NELL1: variants seen among roughly 807,000 people sequenced by gnomAD.
NELL1 encodes the protein neural EGFL like 1.
In NELL1, 76 loss-of-function variants were observed where a neutral mutation model predicts 107.4. The observed-to-expected ratio is 0.71, with a 90% CI of 0.59 to 0.86. The LOEUF (loss-of-function observed/expected upper bound fraction) is 0.86. NELL1 is among the 40% of genes least tolerant of loss of function. The pLI is 0.00. For missense variants in NELL1, 1,024 were observed against 1,005.5 expected, an observed-to-expected ratio of 1.02 and a Z score of -0.25; for synonymous variants, 353 against 341.2, an observed-to-expected ratio of 1.03 and a Z score of -0.38.
chr11:20,673,142 G>A (rs1400541286), intron 1 of NELL1, among the ~76,000 whole-genome samples: 1 of 152,120 alleles, frequency 6.6e-6, no homozygotes, highest in Non-Finnish European at 1.5e-5. Flanking sequence ...GATTACAGGT[G>A]TGAGCCACTG....
chr11:21,232,368 A>G (rs1005812967), intron 14 of NELL1, among the ~76,000 whole-genome samples: 2 of 150,824 alleles, frequency 1.3e-5, no homozygotes, highest in Non-Finnish European at 3.0e-5. Flanking sequence ...TACTTTCCCT[A>G]TTTATCTAAC....
chr11:21,064,316 G>A (rs968918491), intron 12 of NELL1, among the ~76,000 whole-genome samples: 3 of 152,086 alleles, frequency 2.0e-5, no homozygotes, highest in Non-Finnish European at 4.4e-5. Context: ...TGGTAAAAAC[G>A]GACTATAACA....
In NELL1 at chr11:20,769,947, C is replaced by T. The variant is rs573336335; in HGVS notation, c.185-13733C>T. Reference sequence around the variant, plus strand: ...GATGATACCCAAGTAGAAAAGACTGCGTGGGAGCCTACCAGCATCCTTTGA... The same window carrying T: ...GATGATACCCAAGTAGAAAAGACTGTGTGGGAGCCTACCAGCATCCTTTGA... On this transcript the variant is annotated intron_variant, in intron 2 of 19. Transcript: ENST00000357134. Among the ~76,000 whole-genome samples, 63 of 152,266 alleles carry T rather than the reference C, an allele frequency of 4.1e-4. No individual in the cohort carries two copies. The South Asian group carries it at 0.012, about 29-fold the overall frequency.
intron 15 of NELL1, among the ~76,000 whole-genome samples, chr11:21,419,622 G>C (rs1032636875): frequency 6.6e-6 from 1 of 151,898 alleles, no homozygotes; most frequent in African/African-American, 2.4e-5. Flanking sequence ...AGTTTCCACT[G>C]TAGCAATTAG....
chr11:21,128,657 A>G (rs913927247), intron 13 of NELL1, among the ~76,000 whole-genome samples: 3 of 152,182 alleles, frequency 2.0e-5, no homozygotes, highest in African/African-American at 7.2e-5. Flanking sequence ...TGATTAGAAG[A>G]GGCAGACCTT....
chr11:21,041,399 T>A (rs972603307), intron 12 of NELL1, among the ~76,000 whole-genome samples: 2 of 152,228 alleles, frequency 1.3e-5, no homozygotes, highest in African/African-American at 4.8e-5. Context: ...ATTTTTAGGC[T>A]ACTTTTTTAT....
chr11:21,127,672 G>A (rs756320803), intron 13 of NELL1, among the ~76,000 whole-genome samples: 2 of 152,022 alleles, frequency 1.3e-5, no homozygotes, highest in Non-Finnish European at 2.9e-5. Context: ...GGAAAATGAC[G>A]ACAACCTCTA....
chr11:21,394,612 A>G (rs1278311571), intron 15 of NELL1, among the ~76,000 whole-genome samples: 3 of 151,310 alleles, frequency 2.0e-5, no homozygotes, highest in Non-Finnish European at 1.5e-5. Context: ...AAAAAACATT[A>G]TCTTAAGGAG....
intron 16 of NELL1, among the ~76,000 whole-genome samples, chr11:21,551,436 G>A (rs1376922011): frequency 6.6e-6 from 1 of 151,992 alleles, no homozygotes; most frequent in East Asian, 1.9e-4. Context: ...CAAAGGGAAT[G>A]CTTCCAGTTT....
chr11:21,185,339 A>T (rs1387744414), intron 13 of NELL1, among the ~76,000 whole-genome samples: 4 of 121,836 alleles, frequency 3.3e-5, no homozygotes, highest in Non-Finnish European at 6.5e-5. Flanking sequence ...CTTGTTGCCC[A>T]GGCTGGAGCA....
intron 12 of NELL1, among the ~76,000 whole-genome samples, chr11:21,048,049 T>C (rs1853399798): frequency 1.3e-5 from 2 of 152,162 alleles, no homozygotes; most frequent in Non-Finnish European, 1.5e-5. Flanking sequence ...TCTTGTACAG[T>C]TGGGTACTAC....
chr11:21,448,296 G>A (rs1216212916), intron 15 of NELL1, among the ~76,000 whole-genome samples: 1 of 152,024 alleles, frequency 6.6e-6, no homozygotes, highest in Non-Finnish European at 1.5e-5. Context: ...ACCCTCTCCT[G>A]ATATCTTACT....
intron 13 of NELL1, among the ~76,000 whole-genome samples, chr11:21,178,443 C>G (rs1856755970): frequency 6.6e-6 from 1 of 151,756 alleles, no homozygotes; most frequent in Non-Finnish European, 1.5e-5. Flanking sequence ...TTACAACAGT[C>G]ATAATGAGAA....
chr11:20,696,009 A>G (rs936174074), intron 2 of NELL1, among the ~76,000 whole-genome samples: 3 of 151,988 alleles, frequency 2.0e-5, no homozygotes, highest in Admixed American at 2.0e-4. Flanking sequence ...CAATCATGAG[A>G]AGTTACGTGT....
At chr11:21,491,490 CA>C (rs1444551340) in intron 15 of NELL1, among the ~76,000 whole-genome samples, 1 of 152,070 alleles carries the variant, frequency 6.6e-6, no homozygotes, top group African/African-American at 2.4e-5. Context: ...TCAGGTTTGT[CA>C]AAGATCAGAT....
intron 13 of NELL1, among the ~76,000 whole-genome samples, chr11:21,184,792 T>A (rs1045953164): frequency 6.6e-6 from 1 of 151,850 alleles, no homozygotes; most frequent in Non-Finnish European, 1.5e-5. Context: ...AAATGTAGAT[T>A]TTTGCCTTAA....
chr11:21,339,588 A>G (rs1415630590), intron 14 of NELL1, among the ~76,000 whole-genome samples: 1 of 152,184 alleles, frequency 6.6e-6, no homozygotes, highest in Non-Finnish European at 1.5e-5. Context: ...CCTGGTTTTT[A>G]AAATTCATGT....
At chr11:21,080,679 T>G (rs1485019112) in intron 12 of NELL1, among the ~76,000 whole-genome samples, 1 of 152,126 alleles carries the variant, frequency 6.6e-6, no homozygotes, top group Non-Finnish European at 1.5e-5. Context: ...TACATGCATA[T>G]GTTTATCTGT....
At chr11:21,390,678 A>G (rs1218889168) in intron 15 of NELL1, among the ~76,000 whole-genome samples, 1 of 151,800 alleles carries the variant, frequency 6.6e-6, no homozygotes, top group Non-Finnish European at 1.5e-5. Context: ...TATTACACAA[A>G]TGTTTGCTTT....
Sources: allele counts gnomAD v4.1 joint callset (sites outside exome capture counted in the v4.1 genomes callset), GRCh38; gene constraint gnomAD v4.1.1; transcripts MANE v1.5; gene names NCBI Gene and HGNC (gene_info 2026-07-23, HGNC 2026-07-21).